MCF2L2: variants seen among roughly 807,000 people sequenced by gnomAD.
MCF2L2 encodes probable guanine nucleotide exchange factor MCF2L2.
A neutral mutation model predicts 150.2 loss-of-function variants in MCF2L2; 102 were observed. The ratio of observed to expected loss-of-function variants is 0.68; its 90% CI spans 0.58 to 0.80. The LOEUF is 0.80. Ranked by LOEUF, MCF2L2 falls within the 30% of genes least tolerant of loss-of-function variation. The pLI is 0.00. For missense variants in MCF2L2, 1,256 were observed against 1,372.8 expected (o/e 0.91, Z 1.34); for synonymous variants, 465 against 491.3 (o/e 0.95, Z 0.71).
rs1577124933 is a variant in MCF2L2, at chr3:183,400,241, AAAGT to A, written c.77-10466_77-10463del. 9.0e-6 allele frequency: 3 copies of A among 332,138 alleles called. No individual in the cohort carries two copies. In the East Asian group the frequency reaches 2.4e-4, roughly 26 times the overall value. 20.6% of individuals were successfully genotyped at this position (332,138 alleles called of 1,614,324 possible). ...CACAAAAAACTTGAGACGGTACTGC[AAAGT>A]AAGATTTTTTTTAATGTAAAATTTC... On this transcript the variant is annotated intron_variant, in intron 1 of 29. Coordinates refer to ENST00000328913, the MANE Select transcript of MCF2L2 (RefSeq NM_015078.4).
chr3:183,269,214 A>G (rs1726460902), intron 15 of MCF2L2, among the ~76,000 whole-genome samples: 1 of 93,808 alleles, frequency 1.1e-5, no homozygotes, highest in Non-Finnish European at 1.9e-5. Flanking sequence ...ATACACGATT[A>G]TAGCCGTTTG....
intron 18 of MCF2L2, chr3:183,224,978 G>A (rs1399976731): frequency 6.6e-6 from 1 of 152,316 alleles, no homozygotes; most frequent in Admixed American, 6.5e-5. Context: ...CTCTATCAGG[G>A]AGCCTGGCCC....
intron 3 of MCF2L2, among the ~76,000 whole-genome samples, chr3:183,363,080 T>TA (rs1465321790): frequency 7.2e-6 from 1 of 138,320 alleles, no homozygotes; most frequent in Non-Finnish European, 1.5e-5. Flanking sequence ...GAATTGCAAA[T>TA]TAAAACAACA....
At chr3:183,208,880 T>C (rs1259322096) in intron 22 of MCF2L2, among the ~76,000 whole-genome samples, 1 of 152,236 alleles carries the variant, frequency 6.6e-6, no homozygotes, top group East Asian at 1.9e-4. Context: ...TGACTTTACT[T>C]CTGAAACATT....
chr3:183,360,155 C>G (rs1349069305), intron 3 of MCF2L2, among the ~76,000 whole-genome samples: 1 of 152,168 alleles, frequency 6.6e-6, no homozygotes, highest in African/African-American at 2.4e-5. Flanking sequence ...ACTACAGCAG[C>G]TGCATTCACA....
chr3:183,322,961 T>C (rs988313565), intron 6 of MCF2L2, among the ~76,000 whole-genome samples: 1 of 152,186 alleles, frequency 6.6e-6, no homozygotes, highest in Non-Finnish European at 1.5e-5. Flanking sequence ...TAACAGGCTA[T>C]TGGTGTTTCT....
At chr3:183,290,878 T>C (rs75022115) in intron 13 of MCF2L2, among the ~76,000 whole-genome samples, 3,043 of 152,270 alleles carry the variant, frequency 0.02, 60 homozygotes, top group East Asian at 0.051. Context: ...ATTCATTGAA[T>C]GCCACCAATA....
At chr3:183,343,997 T>G (rs1730803780) in intron 3 of MCF2L2, among the ~76,000 whole-genome samples, 1 of 151,974 alleles carries the variant, frequency 6.6e-6, no homozygotes, top group African/African-American at 2.4e-5. Flanking sequence ...AACAAGATAC[T>G]ATCTCTACTA....
At chr3:183,280,356 C>T (rs184412265) in intron 14 of MCF2L2, among the ~76,000 whole-genome samples, 1 of 152,058 alleles carries the variant, frequency 6.6e-6, no homozygotes, top group Admixed American at 6.6e-5. Flanking sequence ...GACATATAAA[C>T]CCTTTTTAAA....
rs765893830 is a variant in MCF2L2, at chr3:183,276,863, C to T, written c.1862+9G>A. ...CTCGCCCCCTGCACCCACGGATGTGCAGTCTTACCTGCGGGGGGAAAGGTC... is the reference window on the plus strand; with the variant it reads ...CTCGCCCCCTGCACCCACGGATGTGTAGTCTTACCTGCGGGGGGAAAGGTC... On this transcript the variant is annotated intron_variant, in intron 15 of 29. Coordinates refer to ENST00000328913, the MANE Select transcript of MCF2L2 (RefSeq NM_015078.4). The T allele has an allele frequency of 2.5e-6, 4 of 1,602,210 alleles. No homozygotes were observed. In the Admixed American group the frequency reaches 5.1e-5, roughly 20 times the overall value.
At chr3:183,403,564 TTGG>T (rs1714884594) in intron 1 of MCF2L2, among the ~76,000 whole-genome samples, 1 of 152,166 alleles carries the variant, frequency 6.6e-6, no homozygotes. Flanking sequence ...ATTGTCTCAT[TTGG>T]TGAAGGGGCT....
chr3:183,321,324 G>A (rs1252233145), intron 6 of MCF2L2, among the ~76,000 whole-genome samples: 1 of 151,886 alleles, frequency 6.6e-6, no homozygotes, highest in African/African-American at 2.4e-5. Context: ...TGTAATCCCA[G>A]TTACTTGGGA....
At chr3:183,199,790 C>A (rs13064361) in intron 25 of MCF2L2, among the ~76,000 whole-genome samples, 1 of 133,422 alleles carries the variant, frequency 7.5e-6, no homozygotes, top group African/African-American at 2.7e-5. Flanking sequence ...CCCCACCCCA[C>A]CACAGGCCCT....
chr3:183,396,040 G>A (rs936194010), intron 1 of MCF2L2, among the ~76,000 whole-genome samples: 1 of 150,572 alleles, frequency 6.6e-6, no homozygotes, highest in Non-Finnish European at 1.5e-5. Context: ...GGAGGGCTCA[G>A]TATCTCACAC....
At chr3:183,226,564 T>G (rs1723353916) in intron 18 of MCF2L2, 1 of 152,232 alleles carries the variant, frequency 6.6e-6, no homozygotes, top group Admixed American at 6.5e-5. Flanking sequence ...GGCGGGGCGC[T>G]ATCAAAAAAC....
chr3:183,240,768 A>G (rs1279532158), intron 15 of MCF2L2, among the ~76,000 whole-genome samples: 1 of 152,240 alleles, frequency 6.6e-6, no homozygotes, highest in African/African-American at 2.4e-5. Flanking sequence ...TCAACTAAAT[A>G]GCACTCATCT....
At chr3:183,327,775 T>C (rs1219746301) in intron 5 of MCF2L2, among the ~76,000 whole-genome samples, 1 of 152,196 alleles carries the variant, frequency 6.6e-6, no homozygotes, top group Non-Finnish European at 1.5e-5. Context: ...GATCTAAACA[T>C]GAAACATTAA....
intron 17 of MCF2L2, among the ~76,000 whole-genome samples, chr3:183,229,346 G>T (rs1194478933): frequency 6.6e-6 from 1 of 152,146 alleles, no homozygotes; most frequent in Non-Finnish European, 1.5e-5. Flanking sequence ...TCCCAATGCT[G>T]AGCACAGTGC....
At chr3:183,182,898 G>C (rs1210888751) in intron 27 of MCF2L2, among the ~76,000 whole-genome samples, 1 of 152,186 alleles carries the variant, frequency 6.6e-6, no homozygotes, top group African/African-American at 2.4e-5. Context: ...ACTGGCTTAA[G>C]GCCCTGTGGG....
Sources: gnomAD v4.1 joint callset for allele counts (sites outside exome capture counted in the v4.1 genomes callset) on GRCh38, gnomAD v4.1.1 for gene constraint, MANE v1.5 for transcripts, NCBI Gene and HGNC (gene_info 2026-07-23, HGNC 2026-07-21) for gene names.